Variants in HMCN1 observed in about 807,000 individuals in gnomAD.
The protein encoded by HMCN1 is hemicentin 1.
A neutral mutation model predicts 625.9 loss-of-function variants in HMCN1; 321 were observed. The ratio of observed to expected loss-of-function variants is 0.51; its 90% CI spans 0.47 to 0.56. HMCN1 has a LOEUF of 0.56. Ranked by LOEUF, HMCN1 falls within the 20% of genes least tolerant of loss-of-function variation. The pLI is 0.00. For missense variants in HMCN1, 6,588 were observed against 6,887.3 expected (o/e 0.96, Z 1.54); for synonymous variants, 2,425 against 2,417.6 (o/e 1.00, Z -0.09).
At chr1:185,845,407 G>A (rs1661750914) in intron 1 of HMCN1, among the ~76,000 whole-genome samples, 1 of 152,028 alleles carries the variant, frequency 6.6e-6, no homozygotes, top group African/African-American at 2.4e-5. Flanking sequence ...TTTTAGTAGA[G>A]ACGGGGTTTC....
chr1:185,938,770 C>G (rs1667942327), intron 11 of HMCN1, among the ~76,000 whole-genome samples: 1 of 152,108 alleles, frequency 6.6e-6, no homozygotes, highest in Non-Finnish European at 1.5e-5. Context: ...ACCATTTCTA[C>G]CTGATATCCA....
At chr1:186,157,712 T>TA (rs1205162123) in intron 97 of HMCN1, among the ~76,000 whole-genome samples, 5 of 152,208 alleles carry the variant, frequency 3.3e-5, no homozygotes, top group South Asian at 2.1e-4. Context: ...GTTCTTGCGA[T>TA]AGTTTACTGA....
At chr1:186,083,471 C>T (rs915536259) in intron 57 of HMCN1, among the ~76,000 whole-genome samples, 2 of 140,854 alleles carry the variant, frequency 1.4e-5, no homozygotes, top group Non-Finnish European at 3.0e-5. Context: ...TAAATACATG[C>T]TAGACACTCC....
At chr1:186,182,409 T>A in intron 105 of HMCN1, 122 bp downstream of exon 105, 1 of 1,150,074 alleles carries the variant, frequency 8.7e-7, no homozygotes, top group Non-Finnish European at 1.3e-6. Context: ...TTCCCGTGGG[T>A]CAGAATTATG....
At chr1:185,766,372 G>A (rs1236826403) in intron 1 of HMCN1, among the ~76,000 whole-genome samples, 1 of 152,086 alleles carries the variant, frequency 6.6e-6, no homozygotes, top group African/African-American at 2.4e-5. Flanking sequence ...CAGCCAACTT[G>A]AGCCCAAGGC....
intron 72 of HMCN1, 85 bp downstream of exon 72, chr1:186,113,038 C>G: frequency 3.4e-6 from 5 of 1,476,968 alleles, no homozygotes; most frequent in Non-Finnish European, 4.7e-6. Context: ...TATGAGCATA[C>G]TAAATGAAGC....
chr1:185,795,003 T>C (rs868797235), intron 1 of HMCN1, among the ~76,000 whole-genome samples: 38 of 152,364 alleles, frequency 2.5e-4, no homozygotes, highest in African/African-American at 8.4e-4. Context: ...GGTCACTGTC[T>C]ATTTCTGGGA....
chr1:185,945,549 A>G (rs1668297651), intron 11 of HMCN1, among the ~76,000 whole-genome samples: 1 of 152,322 alleles, frequency 6.6e-6, no homozygotes, highest in Non-Finnish European at 1.5e-5. Flanking sequence ...AATATTTACA[A>G]TACGATGTCA....
chr1:185,942,203 A>G (rs1668117480), intron 11 of HMCN1, among the ~76,000 whole-genome samples: 1 of 151,974 alleles, frequency 6.6e-6, no homozygotes, highest in Non-Finnish European at 1.5e-5. Context: ...AAAAAAAAAA[A>G]AAAAATCAAA....
intron 47 of HMCN1, 97 bp from the exon 48 acceptor site, chr1:186,062,417 T>C (rs2102312049): frequency 1.3e-6 from 1 of 753,120 alleles, no homozygotes; most frequent in Non-Finnish European, 2.4e-6. Flanking sequence ...GGGATTTGTT[T>C]TGAAGGTTAT....
chr1:185,918,310 G>A (rs930231832), intron 6 of HMCN1, among the ~76,000 whole-genome samples: 4 of 152,174 alleles, frequency 2.6e-5, no homozygotes, highest in Non-Finnish European at 4.4e-5. Context: ...GGAGTCTGTT[G>A]TCCAAGGGCA....
chr1:185,809,127 C>T (rs1557985794), intron 1 of HMCN1, among the ~76,000 whole-genome samples: 1 of 152,080 alleles, frequency 6.6e-6, no homozygotes, highest in Non-Finnish European at 1.5e-5. Flanking sequence ...TCTTTCATTC[C>T]TAACATATGT....
chr1:185,871,662 T>C (rs1663628672), intron 4 of HMCN1, among the ~76,000 whole-genome samples: 3 of 152,084 alleles, frequency 2.0e-5, no homozygotes, highest in Non-Finnish European at 4.4e-5. Flanking sequence ...CCATGAAAAA[T>C]TCAAATCCTG....
intron 1 of HMCN1, among the ~76,000 whole-genome samples, chr1:185,790,192 C>A (rs925812460): frequency 2.6e-5 from 4 of 152,200 alleles, no homozygotes; most frequent in African/African-American, 9.6e-5. Context: ...AAATATGCAT[C>A]TTTTCATTGT....
chr1:186,168,404 G>C (rs1465961730), intron 100 of HMCN1, among the ~76,000 whole-genome samples: 1 of 150,392 alleles, frequency 6.6e-6, no homozygotes, highest in East Asian at 2.0e-4. Flanking sequence ...AGTGAGCTGA[G>C]ATCATGCCAT....
chr1:185,860,355 G>C (rs1662791167), intron 2 of HMCN1, among the ~76,000 whole-genome samples: 1 of 152,090 alleles, frequency 6.6e-6, no homozygotes, highest in Non-Finnish European at 1.5e-5. Flanking sequence ...TTATTATAAA[G>C]ACTGCACTGA....
rs2102043531 is a variant in HMCN1 at position 185,995,006 on chromosome 1, C to T, written c.3697C>T (p.Pro1233Ser). 6.2e-7 allele frequency: 1 copy of T among 1,613,758 alleles called. No individual in the cohort carries two copies. The highest frequency in any genetic ancestry group is 1.1e-5 in the South Asian group (1 of 91,070). The change falls in exon 24 of 107, where the codon CCC (proline) becomes TCC (serine). Residue 1233 changes from proline to serine, a missense_variant. Physicochemically the swap from Pro to Ser is moderately conservative, Grantham distance 74. Coordinates refer to ENST00000271588, the MANE Select transcript of HMCN1 (RefSeq NM_031935.3). ...DGTLSIDQAT[P>S]SDAGIYTCVA... ...AACTTTAAGCATCGACCAAGCCACG[C>T]CCTCAGATGCTGGCATATATACATG... is the stretch of plus-strand genomic sequence containing the variant.
At chr1:185,965,532 G>A (rs996951176) in intron 13 of HMCN1, among the ~76,000 whole-genome samples, 7 of 151,854 alleles carry the variant, frequency 4.6e-5, no homozygotes, top group African/African-American at 1.7e-4. Flanking sequence ...AAGAACTTTC[G>A]ATTAGTTTCC....
At chr1:186,178,140 G>T (rs116110313) in intron 103 of HMCN1, among the ~76,000 whole-genome samples, 1,853 of 152,238 alleles carry the variant, frequency 0.012, 35 homozygotes, top group African/African-American at 0.038. Context: ...GTGTCTTGTT[G>T]TCTGAGCCAC....
Sources: gnomAD v4.1 joint callset for allele counts (sites outside exome capture counted in the v4.1 genomes callset) on GRCh38, gnomAD v4.1.1 for gene constraint, MANE v1.5 for transcripts, NCBI Gene and HGNC (gene_info 2026-07-23, HGNC 2026-07-21) for gene names.